The following NIPBL variants were observed in gnomAD, a reference collection of about 807,000 sequenced individuals.
NIPBL encodes NIPBL cohesin loading factor.
Under a neutral mutation model 321.8 loss-of-function variants are expected in NIPBL, and 19 were observed. The observed-to-expected ratio is 0.06, with a 90% CI of 0.04 to 0.09. NIPBL has a LOEUF of 0.09. Ranked by LOEUF, NIPBL falls within the 10% of genes least tolerant of loss-of-function variation. NIPBL has a pLI of 1.00. For missense variants in NIPBL, 2,210 were observed against 3,327.0 expected, an observed-to-expected ratio of 0.66 and a Z score of 8.26; for synonymous variants, 1,106 against 1,114.1, an observed-to-expected ratio of 0.99 and a Z score of 0.14.
At chr5:36,994,596 C>CG (rs1167190733) in intron 10 of NIPBL, among the ~76,000 whole-genome samples, 1 of 152,056 alleles carries the variant, frequency 6.6e-6, no homozygotes, top group East Asian at 1.9e-4. Flanking sequence ...CACAAAGGTA[C>CG]TCTTTGCTTC....
chr5:36,978,542 T>G (rs917130742), intron 9 of NIPBL, among the ~76,000 whole-genome samples: 1 of 152,054 alleles, frequency 6.6e-6, no homozygotes, highest in Non-Finnish European at 1.5e-5. Flanking sequence ...CTAGGTTGTC[T>G]GTTTACTCTG....
chr5:37,003,983 C>A (rs1035837563), intron 16 of NIPBL, among the ~76,000 whole-genome samples: 22 of 152,228 alleles, frequency 1.4e-4, no homozygotes, highest in Middle Eastern at 3.4e-3. Flanking sequence ...TTTTGTTGAG[C>A]TTCCCTGAAG....
At chr5:36,957,310 G>C (rs1051454322) in intron 3 of NIPBL, among the ~76,000 whole-genome samples, 1 of 152,168 alleles carries the variant, frequency 6.6e-6, no homozygotes, top group Non-Finnish European at 1.5e-5. Flanking sequence ...AGCAATGTAA[G>C]ATGGAAAAAT....
chr5:36,939,031 C>A (rs1738775190), intron 1 of NIPBL, among the ~76,000 whole-genome samples: 1 of 147,868 alleles, frequency 6.8e-6, no homozygotes, highest in Admixed American at 6.6e-5. Flanking sequence ...TTCACAGGGT[C>A]TTGCTCTGTC....
intron 1 of NIPBL, among the ~76,000 whole-genome samples, chr5:36,890,945 G>A (rs1440715612): frequency 1.3e-5 from 2 of 152,090 alleles, no homozygotes; most frequent in East Asian, 3.8e-4. Context: ...TTTCTCAGGA[G>A]CTATTAAGGC....
intron 32 of NIPBL, among the ~76,000 whole-genome samples, chr5:37,031,296 TTTTAAATG>T (rs1326727803): frequency 1.3e-5 from 2 of 152,212 alleles, no homozygotes; most frequent in African/African-American, 4.8e-5. Flanking sequence ...AGTATGTCAT[TTTTAAATG>T]TATGGTGCTA....
intron 32 of NIPBL, among the ~76,000 whole-genome samples, chr5:37,031,916 A>G (rs1751067748): frequency 6.6e-6 from 1 of 152,228 alleles, no homozygotes; most frequent in African/African-American, 2.4e-5. Context: ...TATACTGGAA[A>G]AAATCAGAAG....
At position 37,059,729 on chromosome 5, in the gene NIPBL, A is replaced by C. The variant is rs77376682; in HGVS notation, c.7685+564A>C. On this transcript the variant is annotated intron_variant, in intron 44 of 46. Transcript: ENST00000282516. ...ACTTATTTTGTTGATTTCCTTAAAA[A>C]GACTCAAGCTAACCTTAAAATAGAT... Among the ~76,000 whole-genome samples the C allele has an allele frequency of 1.6e-3, 248 of 152,366 alleles. 3 individuals carry two copies. The highest frequency in any genetic ancestry group is 5.8e-3 in the African/African-American group (241 of 41,590).
intron 17 of NIPBL, 45 bp downstream of exon 17, chr5:37,006,633 T>C (rs1203672589): frequency 1.5e-6 from 2 of 1,294,824 alleles, no homozygotes; most frequent in Non-Finnish European, 2.2e-6. Flanking sequence ...TTTGCCATGT[T>C]AGATGAGTCA....
chr5:36,937,727 A>G (rs1034461814), intron 1 of NIPBL, among the ~76,000 whole-genome samples: 5 of 152,094 alleles, frequency 3.3e-5, no homozygotes, highest in Non-Finnish European at 5.9e-5. Flanking sequence ...ACAACTACTA[A>G]TTCACTTTTA....
In NIPBL at chr5:37,065,749, A is replaced by G. The variant is rs1755301592; in HGVS notation, c.*857A>G. ...TATCCTGCAATATTTAGTATTAACT[A>G]TATATGATTTAGCACTGTGCCAAAC... is the stretch of plus-strand genomic sequence containing the variant. On this transcript the variant is annotated 3_prime_UTR_variant, in exon 47 of 47. Coordinates refer to ENST00000282516, the MANE Select transcript of NIPBL (RefSeq NM_133433.4). 6.6e-6 allele frequency: 1 copy of G among 152,640 alleles called. No individual in the cohort carries two copies. Among genetic ancestry groups the G allele is most frequent in the South Asian group, 2.1e-4 (1 of 4,834 alleles). 9.5% of individuals were successfully genotyped at this position (152,640 alleles called of 1,614,324 possible). A position where few individuals can be genotyped will look rare whatever the true frequency, so the allele number is the denominator to read the frequency against.
intron 42 of NIPBL, among the ~76,000 whole-genome samples, chr5:37,053,951 G>A (rs1032491544): frequency 3.3e-5 from 5 of 151,932 alleles, no homozygotes; most frequent in Non-Finnish European, 5.9e-5. Flanking sequence ...TAATCCCAGC[G>A]CTTTGGGAGG....
intron 1 of NIPBL, among the ~76,000 whole-genome samples, chr5:36,895,790 A>G (rs1230849027): frequency 2.0e-5 from 3 of 152,142 alleles, no homozygotes; most frequent in Non-Finnish European, 4.4e-5. Flanking sequence ...TCTTTTGCCC[A>G]TTTTTAAATT....
intron 33 of NIPBL, 33 bp from the exon 34 acceptor site, chr5:37,038,569 T>A (rs371921420): frequency 1.4e-5 from 22 of 1,603,398 alleles, no homozygotes; most frequent in Non-Finnish European, 1.7e-5. Context: ...CTTGTCATAT[T>A]TTAGTGTCTT....
intron 36 of NIPBL, 70 bp downstream of exon 36, chr5:37,044,799 A>G (rs1752804771): frequency 3.7e-6 from 4 of 1,074,574 alleles, no homozygotes; most frequent in South Asian, 2.6e-5. Context: ...TTTTAAACAC[A>G]TTTGATAAAA....
At chr5:36,894,079 C>T (rs1746545900) in intron 1 of NIPBL, among the ~76,000 whole-genome samples, 1 of 152,170 alleles carries the variant, frequency 6.6e-6, no homozygotes, top group South Asian at 2.1e-4. Context: ...ACTAAGTCCT[C>T]AGCAAATACT....
intron 1 of NIPBL, among the ~76,000 whole-genome samples, chr5:36,927,315 T>C (rs757043001): frequency 1.9e-4 from 29 of 152,194 alleles, no homozygotes; most frequent in Non-Finnish European, 3.7e-4. Context: ...GGATTTTTGG[T>C]TTAAAATGTT....
chr5:37,022,031 T>C lies in NIPBL; in HGVS notation c.5329-20T>C, dbSNP rs1265148110. On this transcript the variant is annotated intron_variant, in intron 27 of 46. Coordinates refer to ENST00000282516, the MANE Select transcript of NIPBL (RefSeq NM_133433.4). ...TTATGTATTCTAAAATTTACAAAAA[T>C]GTCAATGTTTGCTTGGCAGATCCTA... The C allele has an allele frequency of 6.2e-7, 1 of 1,600,480 alleles. No individual in the cohort carries two copies.
rs1029102229 is a variant in NIPBL at position 37,064,395 on chromosome 5, T to C, written c.8050-132T>C. Reference sequence around the variant, plus strand: ...GCGCTGGCGGTCACGGTGCGTCTCATTGCCGGCAATGGAAGTGTGCCGGGA... The same window carrying C: ...GCGCTGGCGGTCACGGTGCGTCTCACTGCCGGCAATGGAAGTGTGCCGGGA... On this transcript the variant is annotated intron_variant, in intron 46 of 46. Transcript: ENST00000282516. The C allele has an allele frequency of 2.1e-5, 32 of 1,538,806 alleles. 1 individual carries two copies. The Middle Eastern group carries it at 7.0e-4, about 34-fold the overall frequency.
Sources: gnomAD v4.1 joint callset for allele counts (sites outside exome capture counted in the v4.1 genomes callset) on GRCh38, gnomAD v4.1.1 for gene constraint, MANE v1.5 for transcripts, NCBI Gene and HGNC (gene_info 2026-07-23, HGNC 2026-07-21) for gene names.